PLCG2: variants seen among roughly 807,000 people sequenced by gnomAD.
PLCG2 encodes phospholipase C gamma 2.
In PLCG2, 69 loss-of-function variants were observed where a neutral mutation model predicts 175.6. That is an observed-to-expected ratio of 0.39 (90% CI 0.32 to 0.48). The LOEUF (loss-of-function observed/expected upper bound fraction) is 0.48. Among genes scored for constraint, PLCG2 ranks in the 20% least tolerant of loss-of-function variants. The pLI is 0.91. For missense variants in PLCG2, 1,798 were observed against 1,650.9 expected (o/e 1.09, Z -1.54); for synonymous variants, 827 against 624.0 (o/e 1.33, Z -4.85).
rs116485111 is a variant in PLCG2 at position 81,768,239 on chromosome 16, A to G, written c.-48+12273A>G. 4.0e-3 allele frequency among the ~76,000 whole-genome samples: 604 copies of G among 152,302 alleles called. 8 individuals are homozygous for G. The highest frequency in any genetic ancestry group is 0.014 in the African/African-American group (570 of 41,556). ...GAGATTCAGCCTTGGTCTTGTGTGTATCAATAATTACTTTTTATAGCCGAG... is the reference window on the plus strand; with the variant it reads ...GAGATTCAGCCTTGGTCTTGTGTGTGTCAATAATTACTTTTTATAGCCGAG... On this transcript the variant is annotated intron_variant, in intron 2 of 5. Transcript: ENST00000565054.
At chr16:81,955,739 C>T (rs966941790) in intron 31 of PLCG2, among the ~76,000 whole-genome samples, 3 of 152,170 alleles carry the variant, frequency 2.0e-5, no homozygotes, top group African/African-American at 7.2e-5. Context: ...AGAGCACCAA[C>T]GAAAGTCCCA....
Position 81,790,458 on chromosome 16 carries a change from C to T in PLCG2, c.193+4276C>T, listed in dbSNP as rs763119733. On this transcript the variant is annotated intron_variant, in intron 2 of 32. Transcript: ENST00000564138. ...CTCACACCTTGAGAGAGCAGGCCTT[C>T]AGGCCCTGGGTGGGGACTGTCAGTG... is the stretch of plus-strand genomic sequence containing the variant. 3.9e-5 allele frequency among the ~76,000 whole-genome samples: 6 copies of T among 152,330 alleles called. No homozygotes were observed. The South Asian group carries it at 1.2e-3, about 32-fold the overall frequency.
intron 9 of PLCG2, among the ~76,000 whole-genome samples, chr16:81,887,588 C>A (rs1158824512): frequency 6.6e-6 from 1 of 152,174 alleles, no homozygotes; most frequent in Non-Finnish European, 1.5e-5. Flanking sequence ...TGTCTTGCAC[C>A]CATGCATGTC....
At chr16:81,805,655 A>G (rs1276547319) in intron 2 of PLCG2, among the ~76,000 whole-genome samples, 2 of 151,620 alleles carry the variant, frequency 1.3e-5, no homozygotes, top group Admixed American at 6.6e-5. Flanking sequence ...ATGCTTTGCC[A>G]TCCATGTCTC....
intron 2 of PLCG2, among the ~76,000 whole-genome samples, chr16:81,796,803 C>T (rs1043302619): frequency 2.6e-5 from 4 of 152,184 alleles, no homozygotes; most frequent in African/African-American, 7.2e-5. Context: ...GAACCAGCCT[C>T]GCCAACACTT....
chr16:81,794,265 T>A (rs558896359), intron 2 of PLCG2, among the ~76,000 whole-genome samples: 1 of 152,340 alleles, frequency 6.6e-6, no homozygotes, highest in South Asian at 2.1e-4. Context: ...CTCTTGGACT[T>A]CTTTTCATGG....
At chr16:81,796,797 C>T (rs1280635226) in intron 2 of PLCG2, among the ~76,000 whole-genome samples, 2 of 152,184 alleles carry the variant, frequency 1.3e-5, no homozygotes, top group Non-Finnish European at 2.9e-5. Context: ...CAGGAGGAAC[C>T]AGCCTCGCCA....
intron 5 of PLCG2, among the ~76,000 whole-genome samples, chr16:81,860,431 A>T (rs1906924422): frequency 6.6e-6 from 1 of 152,090 alleles, no homozygotes; most frequent in Non-Finnish European, 1.5e-5. Context: ...TACCAGCAGC[A>T]CAGCGTTTGC....
At chr16:81,870,994 G>C (rs1907487529) in intron 7 of PLCG2, 59 bp downstream of exon 7, 2 of 924,046 alleles carry the variant, frequency 2.2e-6, no homozygotes, top group Non-Finnish European at 3.4e-6. Context: ...GTATTTCCAA[G>C]TCTGGCATGT....
At chr16:81,802,177 A>T (rs1338390495) in intron 2 of PLCG2, among the ~76,000 whole-genome samples, 1 of 124,374 alleles carries the variant, frequency 8.0e-6, no homozygotes, top group Non-Finnish European at 1.6e-5. Flanking sequence ...CAGTGGCGCT[A>T]TCTTGGCTCA....
At chr16:81,784,311 C>G (rs1567462026) in intron 1 of PLCG2, among the ~76,000 whole-genome samples, 1 of 152,244 alleles carries the variant, frequency 6.6e-6, no homozygotes, top group African/African-American at 2.4e-5. Context: ...CTGATTAATG[C>G]TAACTGAGAC....
At chr16:81,774,578 C>T (rs962794441), upstream of PLCG2, among the ~76,000 whole-genome samples, 2 of 151,994 alleles carry the variant, frequency 1.3e-5, no homozygotes, top group African/African-American at 4.8e-5. Context: ...AAACTAGACT[C>T]AAGGGCTCCA....
In PLCG2 at chr16:81,793,454, C is replaced by G. The variant is rs190753449; in HGVS notation, c.193+7272C>G. On this transcript the variant is annotated intron_variant, in intron 2 of 32. Coordinates refer to ENST00000564138, the MANE Select transcript of PLCG2 (RefSeq NM_002661.5). ...GATGTGGTGCCACCTGTTTGTGGGT[C>G]TGGAATTTTAGGGTCGGCTGTGGTG... Among the ~76,000 whole-genome samples, 947 of 152,250 alleles carry G rather than the reference C, an allele frequency of 6.2e-3. 10 individuals carry two copies. The highest frequency in any genetic ancestry group is 0.022 in the African/African-American group (912 of 41,538).
chr16:81,808,568 G>A (rs1468658873), intron 2 of PLCG2, among the ~76,000 whole-genome samples: 2 of 152,014 alleles, frequency 1.3e-5, no homozygotes, highest in African/African-American at 4.8e-5. Context: ...ATCTCGGCTC[G>A]CTACAACCTC....
chr16:81,893,783 G>A lies in PLCG2; in HGVS notation c.1061G>A (p.Arg354His), dbSNP rs2143609519. 1.2e-6 allele frequency: 2 copies of A among 1,609,134 alleles called. No homozygotes were observed. Among genetic ancestry groups the A allele is most frequent in the Non-Finnish European group, 1.7e-6 (2 of 1,176,510 alleles). The change falls in exon 12 of 33, where the codon CGC becomes CAC. Residue 354 changes from arginine to histidine, a missense_variant. Coordinates refer to ENST00000564138, the MANE Select transcript of PLCG2 (RefSeq NM_002661.5). Reference protein sequence around the residue: ...AYIRCLRMGCRCIELDCWDGP... With the variant: ...AYIRCLRMGCHCIELDCWDGP... ...ATCCGCTGCCTGCGCATGGGCTGTC[G>A]CTGCATTGAACGTGAGTAGCTCCTT...
At chr16:81,797,586 G>A (rs1176594268) in intron 2 of PLCG2, among the ~76,000 whole-genome samples, 4 of 152,248 alleles carry the variant, frequency 2.6e-5, no homozygotes, top group Non-Finnish European at 5.9e-5. Flanking sequence ...TATCTGGCCT[G>A]TGGCTGGTGC....
rs542729394 is a variant in PLCG2, at chr16:81,744,050, G to C, written c.-145+4665G>C. Among the ~76,000 whole-genome samples the C allele has an allele frequency of 3.8e-3, 577 of 152,010 alleles. 2 individuals are homozygous for C. Among genetic ancestry groups the C allele is most frequent in the Non-Finnish European group, 4.5e-3 (308 of 67,970 alleles). ...ATTTTTTGTATTTTTAGTAAAGACAGGGTTTCACTGTGTTGGCCAGGATGG... is the reference window on the plus strand; with the variant it reads ...ATTTTTTGTATTTTTAGTAAAGACACGGTTTCACTGTGTTGGCCAGGATGG... On this transcript the variant is annotated intron_variant, in intron 1 of 5. Coordinates refer to the PLCG2 transcript ENST00000565054.
Position 81,945,434 on chromosome 16 carries a change from G to C in PLCG2, c.3482-741G>C, listed in dbSNP as rs565143660. Among the ~76,000 whole-genome samples the C allele has an allele frequency of 9.2e-5, 14 of 152,372 alleles. No homozygotes were observed. The South Asian group carries it at 2.7e-3, about 29-fold the overall frequency. Reference sequence around the variant, plus strand: ...CATATGCATAGGCAATCTTGGGAAAGATACTGTTAACCATGGTTCCTTTTA... The same window carrying C: ...CATATGCATAGGCAATCTTGGGAAACATACTGTTAACCATGGTTCCTTTTA... On this transcript the variant is annotated intron_variant, in intron 30 of 32. Coordinates refer to ENST00000564138, the MANE Select transcript of PLCG2 (RefSeq NM_002661.5).
At chr16:81,955,018 T>C (rs550805290) in intron 31 of PLCG2, among the ~76,000 whole-genome samples, 1 of 152,314 alleles carries the variant, frequency 6.6e-6, no homozygotes, top group African/African-American at 2.4e-5. Context: ...CCTGACTTTT[T>C]AATATGCTTT....
Sources: allele counts gnomAD v4.1 joint callset (sites outside exome capture counted in the v4.1 genomes callset), GRCh38; gene constraint gnomAD v4.1.1; transcripts MANE v1.5; gene names NCBI Gene and HGNC (gene_info 2026-07-23, HGNC 2026-07-21).